Variants in FLVCR1 observed in about 807,000 individuals in gnomAD.
FLVCR1 encodes the protein FLVCR choline and heme transporter 1.
Under a neutral mutation model 53.6 loss-of-function variants are expected in FLVCR1, and 34 were observed. The ratio of observed to expected loss-of-function variants is 0.63; its 90% CI spans 0.48 to 0.84. FLVCR1 has a LOEUF of 0.84. Ranked by LOEUF, FLVCR1 falls within the 40% of genes least tolerant of loss-of-function variation. The pLI, the probability that FLVCR1 is intolerant of heterozygous loss-of-function variation, is 0.00. For missense variants in FLVCR1, 677 were observed against 696.7 expected (o/e 0.97, Z 0.32); for synonymous variants, 300 against 286.3 (o/e 1.05, Z -0.48).
At chr1:212,873,131 G>A (rs1664652865) in intron 3 of FLVCR1, among the ~76,000 whole-genome samples, 1 of 151,978 alleles carries the variant, frequency 6.6e-6, no homozygotes, top group Non-Finnish European at 1.5e-5. Flanking sequence ...TGGTGAACAT[G>A]GTGAAACCCC....
At chr1:212,871,640 TC>T (rs1664599444) in intron 2 of FLVCR1, among the ~76,000 whole-genome samples, 1 of 152,156 alleles carries the variant, frequency 6.6e-6, no homozygotes, top group Non-Finnish European at 1.5e-5. Context: ...CACTTTGACC[TC>T]CCAAAGTGCT....
At chr1:212,864,677 T>G (rs1367986022) in intron 2 of FLVCR1, among the ~76,000 whole-genome samples, 1 of 152,226 alleles carries the variant, frequency 6.6e-6, no homozygotes, top group Non-Finnish European at 1.5e-5. Flanking sequence ...ACTAATAAAG[T>G]TGAAATGCCA....
rs1343938867 is a variant in FLVCR1, at chr1:212,896,662, C to A, written c.*1372C>A. The A allele has an allele frequency of 6.6e-6, 1 of 151,796 alleles. No homozygotes were observed. The highest frequency in any genetic ancestry group is 1.9e-4 in the East Asian group (1 of 5,182). The allele number at this position is 151,796 out of a possible 1,614,324, so 9.4% of individuals were successfully genotyped here. A position where few individuals can be genotyped will look rare whatever the true frequency, so the allele number is the denominator to read the frequency against. ...AAAAAAGCTAGTCAGGTAATGAATA[C>A]CCTTGAAGTGAATAGCAATTTTGAT... On this transcript the variant is annotated 3_prime_UTR_variant, in exon 10 of 10. Transcript: ENST00000366971.
At chr1:212,876,941 G>A (rs2644545) in intron 3 of FLVCR1, among the ~76,000 whole-genome samples, 150,191 of 152,288 alleles carry the variant, frequency 0.99, 74,097 homozygotes, top group East Asian at 1. Context: ...GAATTAATTT[G>A]TACTCCCTCC....
intron 8 of FLVCR1, among the ~76,000 whole-genome samples, chr1:212,893,075 T>TG (rs1349061524): frequency 2.4e-5 from 2 of 83,390 alleles, no homozygotes; most frequent in Admixed American, 2.0e-4. Flanking sequence ...TGGGGGGGGG[T>TG]GCCGGAATGT....
intron 3 of FLVCR1, among the ~76,000 whole-genome samples, chr1:212,880,082 C>G (rs1664881661): frequency 6.6e-6 from 1 of 151,934 alleles, no homozygotes; most frequent in South Asian, 2.1e-4. Flanking sequence ...AGAGTACACT[C>G]AGGCCTGAGC....
intron 1 of FLVCR1, among the ~76,000 whole-genome samples, chr1:212,861,001 C>T (rs1005205785): frequency 6.6e-6 from 1 of 152,194 alleles, no homozygotes; most frequent in African/African-American, 2.4e-5. Context: ...CCTCTGTTCT[C>T]GCATTCATCC....
At chr1:212,878,565 C>T (rs572843935) in intron 3 of FLVCR1, among the ~76,000 whole-genome samples, 4 of 149,718 alleles carry the variant, frequency 2.7e-5, no homozygotes, top group South Asian at 4.2e-4. Flanking sequence ...TACAAGAGAA[C>T]CTAGAGACAA....
intron 8 of FLVCR1, among the ~76,000 whole-genome samples, chr1:212,894,558 C>T (rs956545886): frequency 6.6e-6 from 1 of 152,180 alleles, no homozygotes; most frequent in Non-Finnish European, 1.5e-5. Context: ...GTCTGCTTGA[C>T]AAGTTATTAC....
At chr1:212,865,981 G>GTTTTTTTTTTTTT (rs1319691717) in intron 2 of FLVCR1, among the ~76,000 whole-genome samples, 12 of 41,292 alleles carry the variant, frequency 2.9e-4, no homozygotes, top group African/African-American at 4.0e-4. Context: ...TTGGGGTTTG[G>GTTTTTTTTTTTTT]TTTTTTTTTT....
At chr1:212,882,288 A>T (rs1325985610) in intron 3 of FLVCR1, among the ~76,000 whole-genome samples, 2 of 152,208 alleles carry the variant, frequency 1.3e-5, no homozygotes, top group Non-Finnish European at 2.9e-5. Context: ...ACATAATAGA[A>T]TACTGTACAA....
At position 212,872,133 on chromosome 1, in the gene FLVCR1, G is replaced by A. The variant is rs540340224; in HGVS notation, c.884-545G>A. On this transcript the variant is annotated intron_variant, in intron 2 of 9. Coordinates refer to ENST00000366971, the MANE Select transcript of FLVCR1 (RefSeq NM_014053.4). The stretch of plus-strand genomic sequence containing the variant: ...TTTTATTTTCCTTTTTTTTTGTTTT[G>A]AGACAGGGTCCTGCTCTGTTGCCCA... 3.4e-5 allele frequency among the ~76,000 whole-genome samples: 5 copies of A among 147,886 alleles called. No individual in the cohort carries two copies. In the South Asian group the frequency reaches 1.1e-3, roughly 31 times the overall value.
At chr1:212,871,789 T>C (rs766212787) in intron 2 of FLVCR1, among the ~76,000 whole-genome samples, 32 of 152,212 alleles carry the variant, frequency 2.1e-4, no homozygotes, top group Non-Finnish European at 3.8e-4. Flanking sequence ...AAAGGTGGTC[T>C]CTAGATGTTG....
chr1:212,860,721 G>C (rs963116275), intron 1 of FLVCR1, among the ~76,000 whole-genome samples: 1 of 152,062 alleles, frequency 6.6e-6, no homozygotes, highest in Admixed American at 6.5e-5. Flanking sequence ...CATGAAAATA[G>C]GAATGTGGTC....
chr1:212,869,027 A>G (rs2132431), intron 2 of FLVCR1, among the ~76,000 whole-genome samples: 34,301 of 152,192 alleles, frequency 0.23, 4,507 homozygotes, highest in East Asian at 0.45. Context: ...TAATATATGT[A>G]ATATATGCCT....
chr1:212,888,803 G>A lies in FLVCR1; in HGVS notation c.1413+209G>A, dbSNP rs147077316. On this transcript the variant is annotated intron_variant, in intron 7 of 9. Coordinates refer to ENST00000366971, the MANE Select transcript of FLVCR1 (RefSeq NM_014053.4). ...AGGCTCAAGCAATCCTCCCCCCTCT[G>A]CCTCCAGAGTTTTTGGGACTGCAGG... 2.0e-5 allele frequency among the ~76,000 whole-genome samples: 3 copies of A among 152,206 alleles called. No individual in the cohort carries two copies. The East Asian group carries it at 5.8e-4, about 29-fold the overall frequency.
At chr1:212,893,585 T>A (rs1049869328) in intron 8 of FLVCR1, among the ~76,000 whole-genome samples, 1 of 151,838 alleles carries the variant, frequency 6.6e-6, no homozygotes, top group Non-Finnish European at 1.5e-5. Flanking sequence ...AAAGGAAGAG[T>A]TGATTAATAC....
intron 7 of FLVCR1, 97 bp from the exon 8 acceptor site, chr1:212,889,049 A>G (rs1665126674): frequency 1.1e-6 from 1 of 948,416 alleles, no homozygotes; most frequent in African/African-American, 1.7e-5. Flanking sequence ...TAGAAACCAA[A>G]TCATATAACC....
chr1:212,885,350 G>A lies in FLVCR1; in HGVS notation c.1150G>A (p.Gly384Ser). ...GLTLVVAGMV[G>S]SILCGLWLDY... The stretch of plus-strand genomic sequence containing the variant: ...AACGCTAGTAGTAGCTGGAATGGTG[G>A]GCTCTATTCTTTGTGGCTTATGGCT... The change falls in exon 5 of 10, where the codon GGC (glycine) becomes AGC (serine). Residue 384 changes from glycine to serine, a missense_variant. Physicochemically the swap from Gly to Ser is moderately conservative, Grantham distance 56. Coordinates refer to ENST00000366971, the MANE Select transcript of FLVCR1 (RefSeq NM_014053.4). 6.2e-7 allele frequency: 1 copy of A among 1,613,952 alleles called. No homozygotes were observed. The highest frequency in any genetic ancestry group is 1.1e-5 in the South Asian group (1 of 91,078).
Sources: gnomAD v4.1 joint callset for allele counts (sites outside exome capture counted in the v4.1 genomes callset) on GRCh38, gnomAD v4.1.1 for gene constraint, MANE v1.5 for transcripts, NCBI Gene and HGNC (gene_info 2026-07-23, HGNC 2026-07-21) for gene names.